The following CBX3 variants were observed in gnomAD, a reference collection of about 807,000 sequenced individuals.
CBX3 encodes the protein chromobox protein homolog 3.
A neutral mutation model predicts 22.6 loss-of-function variants in CBX3; 5 were observed. The ratio of observed to expected loss-of-function variants is 0.22; its 90% CI spans 0.12 to 0.47. The LOEUF is 0.47. Ranked by LOEUF, CBX3 falls within the 20% of genes least tolerant of loss-of-function variation. The probability of loss-of-function intolerance (pLI) is 0.99; values close to 1 mark genes in which losing one functional copy is unlikely to be tolerated. For synonymous variants in CBX3, 50 were observed against 66.6 expected, an observed-to-expected ratio of 0.75 and a Z score of 1.21; for missense variants, 83 against 208.1, an observed-to-expected ratio of 0.40 and a Z score of 3.70.
intron 3 of CBX3, chr7:26,208,182 A>T: frequency 2.6e-6 from 1 of 383,822 alleles, no homozygotes; most frequent in Non-Finnish European, 4.9e-6. Flanking sequence ...TGATTCCACT[A>T]CTGCACTCTC....
chr7:26,206,525 T>C lies in CBX3; in HGVS notation c.167+15T>C. ...GGATTTACAGAGTAAGAAACTTTAG[T>C]GCATCTTTACTATATGTTTAACTGC... is the stretch of plus-strand genomic sequence containing the variant. On this transcript the variant is annotated intron_variant, in intron 3 of 5. Transcript: ENST00000396386. 6.3e-7 allele frequency: 1 copy of C among 1,595,814 alleles called. No individual in the cohort carries two copies. Among genetic ancestry groups the C allele is most frequent in the Non-Finnish European group, 8.6e-7 (1 of 1,169,368 alleles).
chr7:26,206,276 C>T lies in CBX3; in HGVS notation c.25-92C>T, dbSNP rs73683263. ...GGGATATAGAAGTAAAAATTTATGT[C>T]GAATGTGATAATAATATAAGCAATT... On this transcript the variant is annotated intron_variant, in intron 2 of 5. Coordinates refer to ENST00000396386, the MANE Select transcript of CBX3 (RefSeq NM_016587.4). The T allele has an allele frequency of 2.3e-3, 1,849 of 788,640 alleles. 20 individuals carry two copies. The African/African-American group carries it at 0.029, about 12-fold the overall frequency. 48.9% of individuals were successfully genotyped at this position (788,640 alleles called of 1,614,324 possible). A position where few individuals can be genotyped will look rare whatever the true frequency, so the allele number is the denominator to read the frequency against.
chr7:26,207,611 C>G (rs535748605), intron 3 of CBX3, among the ~76,000 whole-genome samples: 1 of 151,976 alleles, frequency 6.6e-6, no homozygotes, highest in African/African-American at 2.4e-5. Context: ...CTCTGCCTTC[C>G]GAGTTGAGGC....
chr7:26,202,401 A>G (rs931463902), intron 1 of CBX3: 1 of 152,370 alleles, frequency 6.6e-6, no homozygotes, highest in Non-Finnish European at 1.5e-5. Context: ...ACCCGCGCTT[A>G]GGCCTCTGGA....
intron 3 of CBX3, among the ~76,000 whole-genome samples, chr7:26,207,432 G>T (rs1784704281): frequency 6.6e-6 from 1 of 152,122 alleles, no homozygotes; most frequent in African/African-American, 2.4e-5. Context: ...AAATGAATGG[G>T]CTCCTCCCTC....
chr7:26,206,601 C>T lies in CBX3; in HGVS notation c.167+91C>T, dbSNP rs1033969658. On this transcript the variant is annotated intron_variant, in intron 3 of 5. Transcript: ENST00000396386. ...TTAACCTGGCTCTTTTACCTGCTTT[C>T]CTGTAGGTGTCTTTAAATGTAAAGA... 2.4e-5 allele frequency: 27 copies of T among 1,133,844 alleles called. No homozygotes were observed. In the African/African-American group the frequency reaches 3.1e-4, roughly 13 times the overall value. 70.2% of individuals were successfully genotyped at this position (1,133,844 alleles called of 1,614,324 possible). A position where few individuals can be genotyped will look rare whatever the true frequency, so the allele number is the denominator to read the frequency against.
intron 3 of CBX3, chr7:26,208,075 A>T: frequency 5.7e-6 from 1 of 174,940 alleles, no homozygotes; most frequent in Non-Finnish European, 1.2e-5. Context: ...TGTGTGTTTT[A>T]AGTTAGCTGG....
rs1189242488 is a variant in CBX3 at position 26,211,655 on chromosome 7, TAAAC to T, written c.331-5_331-2del. On this transcript the variant is annotated splice_region_variant and splice_polypyrimidine_tract_variant and intron_variant, in intron 4 of 5. Coordinates refer to ENST00000396386, the MANE Select transcript of CBX3 (RefSeq NM_016587.4). ...GTTTGCTGTATGAAAAAATGTCTTC[TAAAC>T]AGGCTGACAAACCAAGAGGATTTGC... 1 of 1,583,192 alleles carries T rather than the reference TAAAC, an allele frequency of 6.3e-7. No individual in the cohort carries two copies. The highest frequency in any genetic ancestry group is 8.6e-7 in the Non-Finnish European group (1 of 1,160,580).
At chr7:26,204,408 A>T (rs998851782) in intron 2 of CBX3, among the ~76,000 whole-genome samples, 13 of 152,088 alleles carry the variant, frequency 8.5e-5, no homozygotes, top group African/African-American at 3.1e-4. Context: ...CATTATTCCT[A>T]CCTTCTTGTA....
Position 26,202,952 on chromosome 7 carries a change from C to A in CBX3, c.-28-19C>A. On this transcript the variant is annotated intron_variant, in intron 1 of 5. Transcript: ENST00000396386. ...TTTGTGTCATGCAAACTTACCTTAA[C>A]TGTCATGCATTTTTCTAGTAATAGC... 2 of 1,509,072 alleles carry A rather than the reference C, an allele frequency of 1.3e-6. No individual in the cohort carries two copies. Among genetic ancestry groups the A allele is most frequent in the Non-Finnish European group, 1.8e-6 (2 of 1,092,642 alleles). The allele number at this position is 1,509,072 out of a possible 1,614,324, so 93.5% of individuals were successfully genotyped here.
chr7:26,204,618 G>C (rs915288434), intron 2 of CBX3, among the ~76,000 whole-genome samples: 2 of 152,148 alleles, frequency 1.3e-5, no homozygotes, highest in Non-Finnish European at 2.9e-5. Flanking sequence ...TTGCAGTCTT[G>C]AGGCCTTTCT....
intron 1 of CBX3, 69 bp downstream of exon 1, chr7:26,201,895 G>A (rs1784474710): frequency 6.7e-6 from 1 of 150,086 alleles, no homozygotes; most frequent in Non-Finnish European, 1.5e-5. Flanking sequence ...GCGTCCCGGG[G>A]GCCCGGTTCT....
At chr7:26,207,225 C>T (rs1342868825) in intron 3 of CBX3, among the ~76,000 whole-genome samples, 1 of 152,206 alleles carries the variant, frequency 6.6e-6, no homozygotes, top group Admixed American at 6.5e-5. Flanking sequence ...TGGGCTTCAC[C>T]TATCTGTTAT....
intron 4 of CBX3, among the ~76,000 whole-genome samples, chr7:26,211,291 G>A (rs529576160): frequency 3.0e-4 from 45 of 152,124 alleles, no homozygotes; most frequent in African/African-American, 1.1e-3. Context: ...TTTAAAATGT[G>A]TCAGTAATTC....
rs1205900909 is a variant in CBX3 at position 26,212,910 on chromosome 7, A to G, written c.*702A>G. ...CATCACAGCAGGTTTCCTCATCCAG[A>G]TGAGGAAACTAGACAAATGCTAGTG... On this transcript the variant is annotated 3_prime_UTR_variant, in exon 6 of 6. Coordinates refer to ENST00000396386, the MANE Select transcript of CBX3 (RefSeq NM_016587.4). The G allele has an allele frequency of 6.6e-6, 1 of 151,090 alleles. No individual in the cohort carries two copies. The highest frequency in any genetic ancestry group is 2.5e-5 in the African/African-American group (1 of 40,318). 9.4% of individuals were successfully genotyped at this position (151,090 alleles called of 1,614,324 possible).
rs1584037075 is a variant in CBX3 at position 26,206,378 on chromosome 7, G to C, written c.35G>C (p.Gly12Ala). 1.2e-6 allele frequency: 2 copies of C among 1,600,424 alleles called. No homozygotes were observed. The highest frequency in any genetic ancestry group is 4.5e-5 in the East Asian group (2 of 44,792). ...ASNKTTLQKM[G>A]KKQNGKSKKV... ...TTTGTTTTATTTTAGCAAAAAATGG[G>C]AAAAAAACAGAATGGAAAGAGTAAA... is the stretch of plus-strand genomic sequence containing the variant. Residue 12 changes from glycine (G) to alanine (A), a missense_variant, in exon 3 of 6, where the codon GGA becomes GCA. This residue lies in a region of CBX3 where 24 missense variants were observed against 25.1 expected (regional missense o/e 0.96). Coordinates refer to ENST00000396386, the MANE Select transcript of CBX3 (RefSeq NM_016587.4).
At chr7:26,206,229 CT>C (rs1784672703) in intron 2 of CBX3, 138 bp from the exon 3 acceptor site, 1 of 586,330 alleles carries the variant, frequency 1.7e-6, no homozygotes, top group Non-Finnish European at 3.0e-6. Context: ...GACTTTTAAT[CT>C]TTCCAGAAGG....
chr7:26,205,195 A>C (rs1784647254), intron 2 of CBX3, among the ~76,000 whole-genome samples: 1 of 152,074 alleles, frequency 6.6e-6, no homozygotes. Context: ...TAATCCTCTC[A>C]TAAAAATTTT....
chr7:26,209,901 A>G (rs1784766240), intron 4 of CBX3: 1 of 151,904 alleles, frequency 6.6e-6, no homozygotes, highest in African/African-American at 2.4e-5. Context: ...CTTCAAGACA[A>G]CTCTGTATAA....
Sources: allele counts gnomAD v4.1 joint callset (sites outside exome capture counted in the v4.1 genomes callset), GRCh38; gene constraint gnomAD v4.1.1; regional missense constraint gnomAD v4.1.1; transcripts MANE v1.5; gene names NCBI Gene and HGNC (gene_info 2026-07-23, HGNC 2026-07-21).